The following DYSF variants were observed in gnomAD, a reference collection of about 807,000 sequenced individuals.
The protein encoded by DYSF is dysferlin, also known as dystrophy-associated fer-1-like 1.
Under a neutral mutation model 274.9 loss-of-function variants are expected in DYSF, and 212 were observed. That is an observed-to-expected ratio of 0.77 (90% CI 0.69 to 0.86). DYSF has a LOEUF of 0.86. Ranked by LOEUF, DYSF falls within the 40% of genes least tolerant of loss-of-function variation. DYSF has a pLI of 0.00. For missense variants in DYSF, 2,666 were observed against 2,783.2 expected (o/e 0.96, Z 0.95); for synonymous variants, 1,091 against 1,078.7 (o/e 1.01, Z -0.22).
chr2:71,567,832 C>G (rs2092193728), intron 24 of DYSF, 119 bp from the exon 25 acceptor site: 1 of 1,461,882 alleles, frequency 6.8e-7, no homozygotes, highest in South Asian at 1.3e-5. Context: ...AGGGGACACT[C>G]CCAGTGAGGG....
At position 71,569,722 on chromosome 2, in the gene DYSF, T is replaced by C. The variant is rs534531867; in HGVS notation, c.2865-98T>C. ...CCATGTCTCTCATTGTTGGTTGGGG[T>C]GAGGCTGACATACGCAGGGGTGCTC... On this transcript the variant is annotated intron_variant, in intron 26 of 55. Coordinates refer to ENST00000410020, the MANE Select transcript of DYSF (RefSeq NM_001130987.2). 46 of 1,004,538 alleles carry C rather than the reference T, an allele frequency of 4.6e-5. No individual in the cohort carries two copies. The East Asian group carries it at 8.3e-4, about 18-fold the overall frequency. The allele number at this position is 1,004,538 out of a possible 1,614,324, so 62.2% of individuals were successfully genotyped here. A position where few individuals can be genotyped will look rare whatever the true frequency, so the allele number is the denominator to read the frequency against.
chr2:71,641,874 T>C (rs1435815915), intron 41 of DYSF, among the ~76,000 whole-genome samples: 1 of 152,252 alleles, frequency 6.6e-6, no homozygotes, highest in African/African-American at 2.4e-5. Flanking sequence ...ATAGTGGTTT[T>C]ATTTCTGGGA....
chr2:71,498,103 C>T (rs2084596759), intron 3 of DYSF, among the ~76,000 whole-genome samples: 4 of 152,054 alleles, frequency 2.6e-5, no homozygotes, highest in Admixed American at 2.0e-4. Flanking sequence ...TTGTTTAGTC[C>T]TAAATGGGTC....
intron 14 of DYSF, among the ~76,000 whole-genome samples, chr2:71,533,894 G>A (rs762693985): frequency 1.5e-4 from 23 of 152,182 alleles, no homozygotes; most frequent in Non-Finnish European, 2.6e-4. Context: ...AAGGCCTTGC[G>A]TCTTCATTCT....
chr2:71,477,941 A>G (rs2082526930), intron 1 of DYSF, among the ~76,000 whole-genome samples: 1 of 152,256 alleles, frequency 6.6e-6, no homozygotes, highest in South Asian at 2.1e-4. Flanking sequence ...GAGTCTCAGC[A>G]GTTTGAATGC....
At chr2:71,656,377 C>G (rs1307892454) in intron 43 of DYSF, 87 bp downstream of exon 43, 16 of 1,574,730 alleles carry the variant, frequency 1.0e-5, no homozygotes, top group Non-Finnish European at 1.4e-5. Context: ...CGTACCTACA[C>G]TGGTGACCCT....
chr2:71,646,200 T>C (rs1185913436), intron 42 of DYSF, among the ~76,000 whole-genome samples: 1 of 152,196 alleles, frequency 6.6e-6, no homozygotes, highest in Non-Finnish European at 1.5e-5. Context: ...ACAGAACTAT[T>C]TGTGTACCAG....
chr2:71,520,842 G>C lies in DYSF; in HGVS notation c.1087G>C (p.Ala363Pro), dbSNP rs2087184647. ...GCTCTCAGACCCTGATGACTTCTCT[G>C]CTGGGGCCAGAGGCTACCTGAAAAC... ...LLLSDPDDFS[A>P]GARGYLKTSL... Residue 363 changes from alanine (A) to proline (P), a missense_variant, in exon 12 of 56, where the codon GCT becomes CCT. This residue lies in a region of DYSF where 794 missense variants were observed against 777.1 expected (regional missense o/e 1.02). Coordinates refer to ENST00000410020, the MANE Select transcript of DYSF (RefSeq NM_001130987.2). 2.5e-6 allele frequency: 4 copies of C among 1,614,118 alleles called. No individual in the cohort carries two copies. The highest frequency in any genetic ancestry group is 3.4e-6 in the Non-Finnish European group (4 of 1,180,018).
chr2:71,519,430 G>T (rs557065315), intron 10 of DYSF, among the ~76,000 whole-genome samples: 1 of 152,168 alleles, frequency 6.6e-6, no homozygotes, highest in African/African-American at 2.4e-5. Flanking sequence ...ACTGTTGTAG[G>T]TTCACAGCAA....
At chr2:71,653,662 G>A (rs1392945698) in intron 42 of DYSF, among the ~76,000 whole-genome samples, 9 of 112,190 alleles carry the variant, frequency 8.0e-5, no homozygotes, top group Non-Finnish European at 1.2e-4. Context: ...GCCTGTTGTG[G>A]GGTGGGGGGA....
At position 71,520,190 on chromosome 2, in the gene DYSF, A is replaced by C; in HGVS notation, c.1015A>C (p.Thr339Pro). ...LLGEFRMDVG[T>P]IYREPRHAYL... ...TCATTGATTGCAGATGGACGTGGGCACCATTTACAGAGAGCCCCGTGAGTT... is the reference window on the plus strand; with the variant it reads ...TCATTGATTGCAGATGGACGTGGGCCCCATTTACAGAGAGCCCCGTGAGTT... Residue 339 changes from threonine to proline, a missense_variant, in exon 11 of 56, where the codon ACC becomes CCC. Thr to Pro is a conservative substitution (Grantham distance 38). Around this residue, in one of 3 missense-constraint regions of DYSF, gnomAD observed 794 missense variants for 777.1 expected, o/e 1.02. Transcript: ENST00000410020. 1.2e-6 allele frequency: 2 copies of C among 1,614,148 alleles called. No homozygotes were observed. Among genetic ancestry groups the C allele is most frequent in the Non-Finnish European group, 1.7e-6 (2 of 1,180,044 alleles).
At chr2:71,660,796 A>G in intron 45 of DYSF, 145 bp downstream of exon 45, 1 of 733,778 alleles carries the variant, frequency 1.4e-6, no homozygotes, top group Non-Finnish European at 2.4e-6. Context: ...CTATGGGGGC[A>G]TAGCCTCAGT....
rs1020932085 is a variant in DYSF at position 71,551,291 on chromosome 2, C to T, written c.1692+135C>T. 21 of 866,062 alleles carry T rather than the reference C, an allele frequency of 2.4e-5. No homozygotes were observed. In the African/African-American group the frequency reaches 3.2e-4, roughly 13 times the overall value. The allele number at this position is 866,062 out of a possible 1,614,324, so 53.6% of individuals were successfully genotyped here. A position where few individuals can be genotyped will look rare whatever the true frequency, so the allele number is the denominator to read the frequency against. On this transcript the variant is annotated intron_variant, in intron 18 of 55. Transcript: ENST00000410020. ...GCAGCCAACCCCTCAGGGAGTTCTC[C>T]TTCTGCCCCTTGACACTGCCTCTGC...
chr2:71,605,852 T>C (rs2093637143), intron 36 of DYSF, among the ~76,000 whole-genome samples: 1 of 151,658 alleles, frequency 6.6e-6, no homozygotes, highest in South Asian at 2.1e-4. Flanking sequence ...TTTAAAACAC[T>C]GTTTTTCCTG....
At chr2:71,459,633 T>C (rs2081204378) in intron 1 of DYSF, among the ~76,000 whole-genome samples, 1 of 152,134 alleles carries the variant, frequency 6.6e-6, no homozygotes, top group South Asian at 2.1e-4. Flanking sequence ...ATATTTAAGG[T>C]ACAATTTTGT....
intron 42 of DYSF, among the ~76,000 whole-genome samples, 192 bp from the exon 43 acceptor site, chr2:71,655,970 C>T (rs2152937322): frequency 6.6e-6 from 1 of 152,276 alleles, no homozygotes; most frequent in South Asian, 2.1e-4. Flanking sequence ...CCAACCCTGC[C>T]CTCTTCTTTG....
chr2:71,550,028 G>C (rs557399432), intron 17 of DYSF, among the ~76,000 whole-genome samples: 3 of 152,182 alleles, frequency 2.0e-5, no homozygotes, highest in Non-Finnish European at 4.4e-5. Context: ...GCAGGGGCTC[G>C]ACTCACAGTG....
At chr2:71,669,242 C>T (rs773041274) in intron 50 of DYSF, 35 bp downstream of exon 50, 6 of 1,519,634 alleles carry the variant, frequency 3.9e-6, no homozygotes, top group Non-Finnish European at 5.4e-6. Context: ...TGTCCAGCTT[C>T]CCGCAGCTCC....
intron 12 of DYSF, among the ~76,000 whole-genome samples, chr2:71,525,006 G>A (rs1301235956): frequency 2.0e-5 from 3 of 152,160 alleles, no homozygotes; most frequent in Non-Finnish European, 2.9e-5. Flanking sequence ...AGAATCTTGG[G>A]CCCCACCCCA....
Sources: gnomAD v4.1 joint callset for allele counts (sites outside exome capture counted in the v4.1 genomes callset) on GRCh38, gnomAD v4.1.1 for gene constraint, gnomAD v4.1.1 regional missense constraint, MANE v1.5 for transcripts, NCBI Gene and HGNC (gene_info 2026-07-23, HGNC 2026-07-21) for gene names.